NBPF19: variants seen among roughly 807,000 people sequenced by gnomAD.
NBPF19 encodes NBPF member 19, also known as NBPF family member NBPF19.
NBPF19 carries 30 observed loss-of-function variants against 45.9 expected under a neutral mutation model. That is an observed-to-expected ratio of 0.65 (90% confidence interval 0.49 to 0.89). NBPF19 has a LOEUF of 0.89. NBPF19 is among the 40% of genes least tolerant of loss of function. The probability of loss-of-function intolerance (pLI) is 0.00; values close to 1 mark genes in which losing one functional copy is unlikely to be tolerated. For synonymous variants in NBPF19, 183 were observed against 181.2 expected (o/e 1.01, Z -0.08); for missense variants, 495 against 471.8 (o/e 1.05, Z -0.46).
chr1:149,488,768 T>A (rs2085788523), intron 10 of NBPF19, 137 bp from the exon 11 acceptor site: 3 of 66,768 alleles, frequency 4.5e-5, no homozygotes, highest in African/African-American at 7.0e-4. Flanking sequence ...CCTTCAGGCC[T>A]CCTGAAGAAT....
chr1:149,481,473 ATTT>A (rs1190866284), intron 6 of NBPF19, among the ~76,000 whole-genome samples: 3 of 66,776 alleles, frequency 4.5e-5, no homozygotes, highest in African/African-American at 2.3e-4. Flanking sequence ...AGCATCGTGG[ATTT>A]TTTTTTTTTT....
intron 7 of NBPF19, among the ~76,000 whole-genome samples, chr1:149,484,611 G>C (rs2085404854): frequency 7.0e-6 from 1 of 143,758 alleles, no homozygotes; most frequent in Admixed American, 7.1e-5. Context: ...TGTAGGGTTT[G>C]TGCCAAGAGA....
chr1:149,508,988 TG>T (rs2086145776), intron 36 of NBPF19, among the ~76,000 whole-genome samples: 1 of 114,638 alleles, frequency 8.7e-6, no homozygotes, highest in African/African-American at 3.7e-5. Flanking sequence ...GCCATGCCTG[TG>T]GCAACCTGAG....
chr1:149,477,428 C>G (rs1243262874), intron 2 of NBPF19, among the ~76,000 whole-genome samples: 1 of 151,214 alleles, frequency 6.6e-6, no homozygotes, highest in Non-Finnish European at 1.5e-5. Flanking sequence ...ATATCTCACA[C>G]TTTATGCTTC....
At chr1:149,480,345 C>T (rs1244069517) in intron 5 of NBPF19, 131 bp downstream of exon 5, 7 of 819,988 alleles carry the variant, frequency 8.5e-6, no homozygotes, top group Non-Finnish European at 1.5e-5. Flanking sequence ...GAAATATAAT[C>T]CAGCTTAGAC....
At position 149,493,963 on chromosome 1, in the gene NBPF19, T is replaced by A. The variant is rs1480206007; in HGVS notation, c.1997+252T>A. Among the ~76,000 whole-genome samples the A allele has an allele frequency of 1.4e-4, 6 of 42,786 alleles. No homozygotes were observed. In the South Asian group the frequency reaches 5.0e-3, roughly 36 times the overall value. 28.1% of individuals were successfully genotyped at this position (42,786 alleles called of 152,430 possible). On this transcript the variant is annotated intron_variant, in intron 17 of 93. Coordinates refer to ENST00000651566, the MANE Select transcript of NBPF19 (RefSeq NM_001351365.2). ...CAACTGCATGGAATCTTGAGCAAGT[T>A]TATGGAAAATTATTGAGCCCACTCT... is the stretch of plus-strand genomic sequence containing the variant.
In NBPF19 at chr1:149,554,549, G is replaced by A. The variant is rs1374326064; in HGVS notation, c.11343G>A (p.Leu3781=). Residue 3781 remains leucine, a synonymous_variant, in exon 94 of 94, where the codon CTG becomes CTA. Coordinates refer to ENST00000651566, the MANE Select transcript of NBPF19 (RefSeq NM_001351365.2). ...VEEPEVLQDS[L]DGCYSTPSMY... The stretch of plus-strand genomic sequence containing the variant: ...AGCCTGAAGTCTTACAGGACTCACT[G>A]GATGGATGTTATTCGACTCCGTCAA... 2 of 1,608,186 alleles carry A rather than the reference G, an allele frequency of 1.2e-6. No homozygotes were observed. The highest frequency in any genetic ancestry group is 1.1e-5 in the South Asian group (1 of 90,882).
At position 149,487,199 on chromosome 1, in the gene NBPF19, G is replaced by A. The variant is rs1453395874; in HGVS notation, c.989-133G>A. 3.4e-5 allele frequency: 28 copies of A among 813,520 alleles called. 1 individual carries two copies. The highest frequency in any genetic ancestry group is 2.5e-4 in the African/African-American group (15 of 59,654). 50.4% of individuals were successfully genotyped at this position (813,520 alleles called of 1,614,324 possible). ...CTCAAGACTTGACCTCAGGCCTACT[G>A]CAATATTTCTCTCAAAGTCTCCTGT... On this transcript the variant is annotated intron_variant, in intron 8 of 93. Coordinates refer to ENST00000651566, the MANE Select transcript of NBPF19 (RefSeq NM_001351365.2).
intron 9 of NBPF19, 97 bp downstream of exon 9, chr1:149,487,480 T>A: frequency 1.0e-6 from 1 of 987,196 alleles, no homozygotes; most frequent in South Asian, 1.3e-5. Flanking sequence ...TGATTTTGTC[T>A]TGTCAGACAA....
chr1:149,490,882 TTCTCTC>T (rs1222642149), intron 13 of NBPF19, among the ~76,000 whole-genome samples: 1 of 122,554 alleles, frequency 8.2e-6, no homozygotes, highest in Non-Finnish European at 1.7e-5. Context: ...ACTGAGCTCG[TTCTCTC>T]TCTCTCTCTC....
chr1:149,486,054 G>A, intron 7 of NBPF19, 76 bp from the exon 8 acceptor site: 1 of 237,858 alleles, frequency 4.2e-6, no homozygotes, highest in Non-Finnish European at 7.4e-6. Flanking sequence ...TCTCCCATCA[G>A]ATCATCTGGG....
At position 149,478,232 on chromosome 1, in the gene NBPF19, G is replaced by T. The variant is rs1436418045; in HGVS notation, c.278+185G>T. On this transcript the variant is annotated intron_variant, in intron 3 of 93. Transcript: ENST00000651566. ...TAATAATAAGTTCTGTGTTGCAGTT[G>T]TTTCTTAGAGCCTTGTTTTCTCTTT... 1.1e-4 allele frequency among the ~76,000 whole-genome samples: 16 copies of T among 151,306 alleles called. No homozygotes were observed. The South Asian group carries it at 3.1e-3, about 30-fold the overall frequency.
rs1371312897 is a variant in NBPF19, at chr1:149,554,524, A to C, written c.11318A>C (p.Glu3773Ala). 6.2e-7 allele frequency: 1 copy of C among 1,608,204 alleles called. No individual in the cohort carries two copies. The highest frequency in any genetic ancestry group is 8.5e-7 in the Non-Finnish European group (1 of 1,176,708). Residue 3773 changes from glutamate to alanine, a missense_variant, in exon 94 of 94, where the codon GAG becomes GCG. Around this residue, in one of 8 missense-constraint regions of NBPF19, gnomAD observed 248 missense variants for 95.4 expected, o/e 2.60. Coordinates refer to ENST00000651566, the MANE Select transcript of NBPF19 (RefSeq NM_001351365.2). ...RLNSVLMEVEEPEVLQDSLDG... is the reference protein window; with the variant it reads ...RLNSVLMEVEAPEVLQDSLDG... ...AACAGCGTGCTGATGGAAGTGGAAG[A>C]GCCTGAAGTCTTACAGGACTCACTG...
rs1181505391 is a variant in NBPF19, at chr1:149,478,931, G to A, written c.330G>A (p.Arg110=). Residue 110 remains arginine (R), a synonymous_variant, in exon 4 of 94, where the codon AGG becomes AGA. Transcript: ENST00000651566. ...HSQERELTQL[R]EKLREGRDAS... ...AGGAACGAGAGCTGACCCAGTTAAG[G>A]GAGAAGTTACGGGAAGGGAGAGATG... 9.3e-6 allele frequency: 15 copies of A among 1,606,074 alleles called. 1 individual carries two copies. The Admixed American group carries it at 1.7e-4, about 18-fold the overall frequency.
rs2084944025 is a variant in NBPF19 at position 149,477,962 on chromosome 1, G to A, written c.193G>A (p.Asp65Asn). The change falls in exon 3 of 94, where the codon GAC becomes AAC. Residue 65 changes from aspartate to asparagine, a missense_variant. Asp to Asn is a conservative substitution (Grantham distance 23). This residue lies in a region of NBPF19 where 69 missense variants were observed against 87.8 expected (regional missense o/e 0.79). Transcript: ENST00000651566. ...QKKYKYEECK[D>N]LIKFMLRNER... Reference sequence around the variant, plus strand: ...TTTCTCAGAGTATGAAGAGTGTAAAGACCTCATAAAATTTATGCTGAGGAA... The same window carrying A: ...TTTCTCAGAGTATGAAGAGTGTAAAAACCTCATAAAATTTATGCTGAGGAA... 2 of 1,416,812 alleles carry A rather than the reference G, an allele frequency of 1.4e-6. No individual in the cohort carries two copies. Among genetic ancestry groups the A allele is most frequent in the African/African-American group, 1.4e-5 (1 of 71,294 alleles). 87.8% of individuals were successfully genotyped at this position (1,416,812 alleles called of 1,614,324 possible).
At chr1:149,487,653 G>T (rs1192386248) in intron 9 of NBPF19, among the ~76,000 whole-genome samples, 1 of 150,234 alleles carries the variant, frequency 6.7e-6, no homozygotes, top group African/African-American at 2.4e-5. Flanking sequence ...CACATTTTAT[G>T]CAAAATTATT....
Position 149,477,997 on chromosome 1 carries a change from G to C in NBPF19, c.228G>C (p.Gln76His). 2.0e-6 allele frequency: 3 copies of C among 1,501,346 alleles called. 1 individual carries two copies. The highest frequency in any genetic ancestry group is 1.1e-5 in the South Asian group (1 of 89,322). 93.0% of individuals were successfully genotyped at this position (1,501,346 alleles called of 1,614,324 possible). The change falls in exon 3 of 94, where the codon CAG (glutamine) becomes CAC (histidine). Residue 76 changes from glutamine to histidine, a missense_variant. Gln to His is a conservative substitution (Grantham distance 24). Coordinates refer to ENST00000651566, the MANE Select transcript of NBPF19 (RefSeq NM_001351365.2). Reference sequence around the variant, plus strand: ...AATTTATGCTGAGGAATGAGCGACAGTTCAAGGAGGAGAAGCTTGCAGAGC... The same window carrying C: ...AATTTATGCTGAGGAATGAGCGACACTTCAAGGAGGAGAAGCTTGCAGAGC... ...LIKFMLRNER[Q>H]FKEEKLAEQL...
intron 9 of NBPF19, 126 bp from the exon 10 acceptor site, chr1:149,487,887 T>A (rs1406861655): frequency 2.7e-6 from 2 of 732,664 alleles, no homozygotes; most frequent in South Asian, 1.4e-5. Context: ...AATAATTTGT[T>A]ACCTCACTAA....
rs1396645776 is a variant in NBPF19 at position 149,477,561 on chromosome 1, G to A, written c.176-384G>A. Among the ~76,000 whole-genome samples the A allele has an allele frequency of 1.1e-4, 17 of 151,012 alleles. No homozygotes were observed. The East Asian group carries it at 3.1e-3, about 28-fold the overall frequency. On this transcript the variant is annotated intron_variant, in intron 2 of 93. Transcript: ENST00000651566. Reference sequence around the variant, plus strand: ...AAACCATCAGTCCCATAGTCCTAGGGGCCTTCCCGACTGTACAAGAAATCA... The same window carrying A: ...AAACCATCAGTCCCATAGTCCTAGGAGCCTTCCCGACTGTACAAGAAATCA...
Sources: gnomAD v4.1 joint callset for allele counts (sites outside exome capture counted in the v4.1 genomes callset) on GRCh38, gnomAD v4.1.1 for gene constraint, gnomAD v4.1.1 regional missense constraint, MANE v1.5 for transcripts, NCBI Gene and HGNC (gene_info 2026-07-23, HGNC 2026-07-21) for gene names.